Variants in FOXO3 observed in about 807,000 individuals in gnomAD.
FOXO3 encodes the protein forkhead box O3.
FOXO3 carries 4 observed loss-of-function variants against 41.9 expected under a neutral mutation model. That is an observed-to-expected ratio of 0.10 (90% confidence interval 0.05 to 0.22). The LOEUF is 0.22. Among genes scored for constraint, FOXO3 ranks in the 10% least tolerant of loss-of-function variants. FOXO3 has a pLI of 1.00. For missense variants in FOXO3, 534 were observed against 906.8 expected (o/e 0.59, Z 5.28); for synonymous variants, 318 against 389.3 (o/e 0.82, Z 2.16).
chr6:108,635,686 G>A (rs186818627), intron 1 of FOXO3, among the ~76,000 whole-genome samples: 127 of 152,276 alleles, frequency 8.3e-4, no homozygotes, highest in African/African-American at 2.8e-3. Flanking sequence ...TGCAGCAGGG[G>A]TGGCGAAACG....
At chr6:108,675,661 CACTTTA>C (rs537288101) in intron 2 of FOXO3, among the ~76,000 whole-genome samples, 259 of 152,284 alleles carry the variant, frequency 1.7e-3, no homozygotes, top group African/African-American at 6.0e-3. Context: ...AGTGGTGTTT[CACTTTA>C]TTTTTGCTTG....
intron 1 of FOXO3, among the ~76,000 whole-genome samples, chr6:108,578,168 A>G (rs183812198): frequency 6.6e-6 from 1 of 152,338 alleles, no homozygotes; most frequent in East Asian, 1.9e-4. Flanking sequence ...TCAGCATCAC[A>G]TAGGAACTTT....
chr6:108,592,701 G>C (rs983742630), intron 1 of FOXO3, among the ~76,000 whole-genome samples: 1 of 152,180 alleles, frequency 6.6e-6, no homozygotes, highest in African/African-American at 2.4e-5. Context: ...CCTCACACCT[G>C]TCCAAGCTTC....
At chr6:108,570,025 A>T (rs1159082526) in intron 1 of FOXO3, among the ~76,000 whole-genome samples, 2 of 94,828 alleles carry the variant, frequency 2.1e-5, no homozygotes, top group African/African-American at 8.1e-5. Flanking sequence ...TTTGAGACAG[A>T]ATCTCGCTCT....
At chr6:108,581,647 T>C (rs899616209) in intron 1 of FOXO3, among the ~76,000 whole-genome samples, 2 of 152,154 alleles carry the variant, frequency 1.3e-5, no homozygotes, top group African/African-American at 4.8e-5. Context: ...AGCAAAGTTA[T>C]TTTGTGGTTT....
rs1770842818 is a variant in FOXO3 at position 108,681,334 on chromosome 6, A to T, written c.*1542A>T. The T allele has an allele frequency of 2.0e-5, 3 of 152,714 alleles. No homozygotes were observed. The allele number at this position is 152,714 out of a possible 1,614,324, so 9.5% of individuals were successfully genotyped here. A position where few individuals can be genotyped will look rare whatever the true frequency, so the allele number is the denominator to read the frequency against. ...ATAAATATATTTTATCATGTACAGT[A>T]CAAAAATGGAACCTTATGCATGGGC... On this transcript the variant is annotated 3_prime_UTR_variant, in exon 3 of 3. Coordinates refer to ENST00000406360, the MANE Select transcript of FOXO3 (RefSeq NM_001455.4).
chr6:108,571,954 T>C (rs555909806), intron 1 of FOXO3, among the ~76,000 whole-genome samples: 3 of 152,342 alleles, frequency 2.0e-5, no homozygotes, highest in African/African-American at 7.2e-5. Flanking sequence ...CTACATTTTG[T>C]CTTTTTTTAA....
chr6:108,583,391 G>T (rs1441187755), intron 1 of FOXO3, among the ~76,000 whole-genome samples: 1 of 152,180 alleles, frequency 6.6e-6, no homozygotes, highest in Non-Finnish European at 1.5e-5. Context: ...TTTCTGAGTG[G>T]TTGTAACTTT....
intron 1 of FOXO3, among the ~76,000 whole-genome samples, chr6:108,615,732 C>A (rs1297590118): frequency 6.6e-6 from 1 of 151,738 alleles, no homozygotes; most frequent in Admixed American, 6.6e-5. Context: ...TAGTATTGTC[C>A]CCATAGATCA....
chr6:108,576,871 T>G (rs1299132627), intron 1 of FOXO3, among the ~76,000 whole-genome samples: 1 of 152,204 alleles, frequency 6.6e-6, no homozygotes, highest in Non-Finnish European at 1.5e-5. Flanking sequence ...ATCATAAAGC[T>G]TTCAAAAATT....
At chr6:108,560,495 C>T (rs530576892), upstream of FOXO3, among the ~76,000 whole-genome samples, 457 of 152,318 alleles carry the variant, frequency 3.0e-3, 1 homozygote, top group African/African-American at 0.011. Flanking sequence ...CCCGTTCGCC[C>T]TCTGGCCCGC....
intron 1 of FOXO3, among the ~76,000 whole-genome samples, chr6:108,635,791 G>A (rs1778105968): frequency 6.6e-6 from 1 of 152,214 alleles, no homozygotes; most frequent in African/African-American, 2.4e-5. Flanking sequence ...CAGGCAGTTA[G>A]ATACAGCAGA....
intron 1 of FOXO3, among the ~76,000 whole-genome samples, chr6:108,577,150 A>G (rs1776284507): frequency 6.6e-6 from 1 of 152,150 alleles, no homozygotes; most frequent in African/African-American, 2.4e-5. Flanking sequence ...GAACCTTTAA[A>G]TGATTTGTGA....
At chr6:108,668,628 A>C (rs1400574532) in intron 2 of FOXO3, among the ~76,000 whole-genome samples, 1 of 152,144 alleles carries the variant, frequency 6.6e-6, no homozygotes, top group Non-Finnish European at 1.5e-5. Flanking sequence ...ATTTGGAGAC[A>C]CCATTAGGGA....
At chr6:108,621,532 C>A (rs960230428) in intron 1 of FOXO3, among the ~76,000 whole-genome samples, 1 of 149,916 alleles carries the variant, frequency 6.7e-6, no homozygotes, top group African/African-American at 2.5e-5. Context: ...AGTCTTTCAC[C>A]ATGTTAGTGT....
At chr6:108,649,182 G>C (rs934299562) in intron 1 of FOXO3, among the ~76,000 whole-genome samples, 1 of 152,052 alleles carries the variant, frequency 6.6e-6, no homozygotes, top group African/African-American at 2.4e-5. Flanking sequence ...ATCCCACAGG[G>C]GTGACATAGA....
intron 1 of FOXO3, among the ~76,000 whole-genome samples, chr6:108,570,480 G>A (rs770301373): frequency 3.3e-5 from 5 of 151,888 alleles, no homozygotes; most frequent in Non-Finnish European, 7.4e-5. Context: ...TGAGCGCCAC[G>A]ACACCCAGCT....
At chr6:108,600,558 A>C (rs1470383360) in intron 1 of FOXO3, among the ~76,000 whole-genome samples, 1 of 151,268 alleles carries the variant, frequency 6.6e-6, no homozygotes, top group Non-Finnish European at 1.5e-5. Flanking sequence ...AAAAAAAAAA[A>C]AAAAAAAAAA....
At chr6:108,611,550 T>G (rs1480082913) in intron 1 of FOXO3, among the ~76,000 whole-genome samples, 3 of 152,246 alleles carry the variant, frequency 2.0e-5, no homozygotes. Flanking sequence ...ATTTTTACTT[T>G]TCTCCATTGT....
Sources: allele counts gnomAD v4.1 joint callset (sites outside exome capture counted in the v4.1 genomes callset), GRCh38; gene constraint gnomAD v4.1.1; transcripts MANE v1.5; gene names NCBI Gene and HGNC (gene_info 2026-07-23, HGNC 2026-07-21).